Variants in COL4A1 observed in about 807,000 individuals in gnomAD.
The protein encoded by COL4A1 is collagen alpha-1(IV) chain.
Under a neutral mutation model 216.6 loss-of-function variants are expected in COL4A1, and 40 were observed. The observed-to-expected ratio is 0.18, with a 90% CI of 0.14 to 0.24. The LOEUF (loss-of-function observed/expected upper bound fraction) is 0.24, where lower values mean the gene tolerates loss of function less well. Among genes scored for constraint, COL4A1 ranks in the 10% least tolerant of loss-of-function variants. The pLI is 1.00. For missense variants in COL4A1, 1,628 were observed against 2,196.8 expected, an observed-to-expected ratio of 0.74 and a Z score of 5.18; for synonymous variants, 839 against 810.7, an observed-to-expected ratio of 1.03 and a Z score of -0.59.
intron 1 of COL4A1, among the ~76,000 whole-genome samples, chr13:110,245,490 TGAA>T (rs1017031816): frequency 2.0e-5 from 3 of 152,174 alleles, no homozygotes; most frequent in African/African-American, 7.2e-5. Context: ...AACACCAGCC[TGAA>T]GTAGTGTGGA....
intron 2 of COL4A1, among the ~76,000 whole-genome samples, chr13:110,231,695 A>G (rs1881071129): frequency 6.6e-6 from 1 of 152,208 alleles, no homozygotes; most frequent in Non-Finnish European, 1.5e-5. Context: ...ACAAGGAGGC[A>G]CTGGGATGAG....
intron 1 of COL4A1, among the ~76,000 whole-genome samples, chr13:110,253,043 C>CTATAAGTACGTATGTATTACATATACA (rs1882233789): frequency 2.5e-5 from 2 of 81,430 alleles, no homozygotes; most frequent in African/African-American, 3.9e-5. Context: ...ATACATATAA[C>CTATAAGTACGTATGTATTACATATACA]TATAAGTACG....
chr13:110,286,673 T>C (rs1883857600), intron 1 of COL4A1, among the ~76,000 whole-genome samples: 2 of 152,152 alleles, frequency 1.3e-5, no homozygotes. Flanking sequence ...TGAAGCTGTA[T>C]TCCCAGATCC....
chr13:110,199,089 T>C (rs1982315), intron 20 of COL4A1, among the ~76,000 whole-genome samples: 43,414 of 152,002 alleles, frequency 0.29, 6,452 homozygotes, highest in Admixed American at 0.33. Flanking sequence ...GTAAAAGGGT[T>C]TGAAGTCAGA....
chr13:110,185,237 C>G (rs1172187177), intron 26 of COL4A1, among the ~76,000 whole-genome samples: 1 of 152,070 alleles, frequency 6.6e-6, no homozygotes, highest in Non-Finnish European at 1.5e-5. Context: ...CCTCTGCCTC[C>G]CGGGTTCAAG....
chr13:110,152,567 C>T lies in COL4A1; in HGVS notation c.4756-61G>A, dbSNP rs1029210254. 3.9e-6 allele frequency: 6 copies of T among 1,551,878 alleles called. No homozygotes were observed. In the African/African-American group the frequency reaches 5.4e-5, roughly 14 times the overall value. ...CCTCCCCAAACACCAGGAAAGAGAT[C>T]GATCCTTCCCAGGAAGGCGCCAGGG... On this transcript the variant is annotated intron_variant, in intron 50 of 51. Transcript: ENST00000375820.
intron 2 of COL4A1, among the ~76,000 whole-genome samples, chr13:110,221,047 G>A (rs1487876123): frequency 2.0e-5 from 3 of 152,190 alleles, no homozygotes; most frequent in Admixed American, 6.5e-5. Context: ...CCATGTTCAA[G>A]GAGAGATTTC....
intron 1 of COL4A1, among the ~76,000 whole-genome samples, chr13:110,282,346 G>A (rs1883664637): frequency 6.6e-6 from 1 of 152,118 alleles, no homozygotes; most frequent in Non-Finnish European, 1.5e-5. Flanking sequence ...GCACATCAAG[G>A]GAAGCTGGTG....
Position 110,178,224 on chromosome 13 carries a change from A to T in COL4A1, c.2466T>A (p.Pro822=). ...GQGPPGLSGP[P]GIKGEKGFPG... ...GGAAACCCTTCTCTCCTTTTATTCC[A>T]GGAGGGCCTGCAGTTGGGTGAAACA... The change falls in exon 32 of 52, where the codon CCT becomes CCA. Residue 822 remains proline (P), a synonymous_variant. Transcript: ENST00000375820. 6.2e-7 allele frequency: 1 copy of T among 1,613,908 alleles called. No individual in the cohort carries two copies. The highest frequency in any genetic ancestry group is 8.5e-7 in the Non-Finnish European group (1 of 1,180,048).
chr13:110,291,931 C>A (rs1884105993), intron 1 of COL4A1, among the ~76,000 whole-genome samples: 1 of 152,184 alleles, frequency 6.6e-6, no homozygotes, highest in Non-Finnish European at 1.5e-5. Context: ...ACTGTGCCAT[C>A]CCTGGAGGGG....
rs1343212568 is a variant in COL4A1 at position 110,207,910 on chromosome 13, G to A, written c.694-421C>T. Among the ~76,000 whole-genome samples the A allele has an allele frequency of 6.6e-6, 1 of 152,002 alleles. No individual in the cohort carries two copies. Among genetic ancestry groups the A allele is most frequent in the Non-Finnish European group, 1.5e-5 (1 of 68,010 alleles). On this transcript the variant is annotated intron_variant, in intron 12 of 51. Coordinates refer to ENST00000375820, the MANE Select transcript of COL4A1 (RefSeq NM_001845.6). This position sits in a 1 kb window ranked among gnomAD's most constrained non-coding sequence, Gnocchi z 4.4. Reference sequence around the variant, plus strand: ...CAACCATCAAGAGTCTCCCTCCTCGGGCATCCTAACTGCCGGGTACGCCTA... The same window carrying A: ...CAACCATCAAGAGTCTCCCTCCTCGAGCATCCTAACTGCCGGGTACGCCTA...
At chr13:110,169,929 G>GAGGGAGGGAGGA (rs150774157) in intron 42 of COL4A1, among the ~76,000 whole-genome samples, 167 bp from the exon 43 acceptor site, 16 of 140,502 alleles carry the variant, frequency 1.1e-4, no homozygotes, top group Non-Finnish European at 2.0e-4. Context: ...AGGAAGGAAG[G>GAGGGAGGGAGGA]AGGGAGGGAG....
intron 40 of COL4A1, 109 bp downstream of exon 40, chr13:110,173,791 G>A: frequency 7.8e-7 from 1 of 1,275,414 alleles, no homozygotes; most frequent in Non-Finnish European, 1.1e-6. Flanking sequence ...GGGATGTGCA[G>A]TCTAGGGGCC....
chr13:110,198,095 G>GTGTGTC (rs1878990919), intron 21 of COL4A1, among the ~76,000 whole-genome samples: 1 of 151,654 alleles, frequency 6.6e-6, no homozygotes, highest in African/African-American at 2.4e-5. Context: ...GTGTGTGTGT[G>GTGTGTC]TGTGTGTGTG....
At chr13:110,199,792 G>A (rs1215059105) in intron 20 of COL4A1, among the ~76,000 whole-genome samples, 3 of 152,178 alleles carry the variant, frequency 2.0e-5, no homozygotes, top group Non-Finnish European at 4.4e-5. Flanking sequence ...ACCACTAAGG[G>A]TTAGATAAAA....
intron 15 of COL4A1, 57 bp from the exon 16 acceptor site, chr13:110,205,595 G>A (rs1185046879): frequency 1.3e-6 from 2 of 1,582,966 alleles, no homozygotes; most frequent in African/African-American, 2.7e-5. Context: ...GCGCGCGGTG[G>A]CTCATGCCTG....
chr13:110,282,557 C>T (rs1883675368), intron 1 of COL4A1, among the ~76,000 whole-genome samples: 1 of 152,174 alleles, frequency 6.6e-6, no homozygotes, highest in African/African-American at 2.4e-5. Context: ...CAATTCCTAC[C>T]AGTCAAGGAT....
At chr13:110,169,562 C>T in intron 43 of COL4A1, 67 bp downstream of exon 43, 3 of 1,606,832 alleles carry the variant, frequency 1.9e-6, no homozygotes, top group Non-Finnish European at 2.5e-6. Flanking sequence ...CACACATAGA[C>T]ACATATGAAT....
rs764072918 is a variant in COL4A1, at chr13:110,212,554, A to G, written c.324+20T>C. The G allele has an allele frequency of 6.2e-6, 10 of 1,614,118 alleles. No individual in the cohort carries two copies. Among genetic ancestry groups the G allele is most frequent in the Middle Eastern group, 1.6e-4 (1 of 6,084 alleles). On this transcript the variant is annotated intron_variant, in intron 5 of 51. Coordinates refer to ENST00000375820, the MANE Select transcript of COL4A1 (RefSeq NM_001845.6). Reference sequence around the variant, plus strand: ...GAAGAATATTTCATAAAAGAAGTAGAGCACGTTTTCTATACATACGGGAAG... The same window carrying G: ...GAAGAATATTTCATAAAAGAAGTAGGGCACGTTTTCTATACATACGGGAAG...
Sources: allele counts gnomAD v4.1 joint callset (sites outside exome capture counted in the v4.1 genomes callset), GRCh38; gene constraint gnomAD v4.1.1; non-coding constraint Gnocchi (gnomAD v3.1); transcripts MANE v1.5; gene names NCBI Gene and HGNC (gene_info 2026-07-23, HGNC 2026-07-21).